Variants in SIPA1L2 observed in about 807,000 individuals in gnomAD.
The protein encoded by SIPA1L2 is signal-induced proliferation-associated 1-like protein 2.
A neutral mutation model predicts 163.9 loss-of-function variants in SIPA1L2; 56 were observed. The ratio of observed to expected loss-of-function variants is 0.34; its 90% CI spans 0.28 to 0.43. The LOEUF (loss-of-function observed/expected upper bound fraction) is 0.43. SIPA1L2 is among the 20% of genes least tolerant of loss of function. The pLI is 1.00. For missense variants in SIPA1L2, 1,974 were observed against 2,193.5 expected (o/e 0.90, Z 2.00); for synonymous variants, 877 against 865.7 (o/e 1.01, Z -0.23).
At chr1:232,547,257 T>C (rs868764125) in intron 2 of SIPA1L2, among the ~76,000 whole-genome samples, 24 of 152,282 alleles carry the variant, frequency 1.6e-4, no homozygotes, top group African/African-American at 4.6e-4. Context: ...CAGCATTTTT[T>C]ATGCAGAACA....
At chr1:232,549,519 G>A (rs1658254868) in intron 2 of SIPA1L2, among the ~76,000 whole-genome samples, 1 of 152,186 alleles carries the variant, frequency 6.6e-6, no homozygotes, top group Non-Finnish European at 1.5e-5. Flanking sequence ...CTCAAGAATT[G>A]TTAACATGTA....
chr1:232,510,230 A>AT (rs1666917707), intron 3 of SIPA1L2, among the ~76,000 whole-genome samples: 1 of 78,218 alleles, frequency 1.3e-5, no homozygotes, highest in Non-Finnish European at 3.8e-5. Flanking sequence ...TTCAATATGA[A>AT]AATATATATA....
chr1:232,545,370 C>T (rs573465166), intron 2 of SIPA1L2, among the ~76,000 whole-genome samples: 26 of 152,310 alleles, frequency 1.7e-4, no homozygotes, highest in Admixed American at 1.6e-3. Flanking sequence ...AAGCACTTGA[C>T]TCATGTATCT....
chr1:232,402,531 G>A, intron 21 of SIPA1L2, 58 bp from the exon 22 acceptor site: 12 of 1,501,836 alleles, frequency 8.0e-6, no homozygotes, highest in Non-Finnish European at 1.1e-5. Context: ...CATTTTTGTT[G>A]GTCAAGTTTT....
chr1:232,431,987 C>T (rs1188662111), intron 16 of SIPA1L2, among the ~76,000 whole-genome samples: 1 of 152,196 alleles, frequency 6.6e-6, no homozygotes, highest in Non-Finnish European at 1.5e-5. Context: ...CCATCAGCAG[C>T]ATGTTACCAT....
In SIPA1L2 at chr1:232,493,508, C is replaced by T. The variant is rs1005617643; in HGVS notation, c.1617+19G>A. Reference sequence around the variant, plus strand: ...GGTTTAGACTTTAGCCCAATAACTACGGCAAGCAGCCCCATTACCTCACTT... The same window carrying T: ...GGTTTAGACTTTAGCCCAATAACTATGGCAAGCAGCCCCATTACCTCACTT... On this transcript the variant is annotated intron_variant, in intron 4 of 22. Coordinates refer to ENST00000674635, the MANE Select transcript of SIPA1L2 (RefSeq NM_020808.5). The T allele has an allele frequency of 4.3e-6, 7 of 1,613,640 alleles. No individual in the cohort carries two copies. Among genetic ancestry groups the T allele is most frequent in the East Asian group, 4.5e-5 (2 of 44,866 alleles).
intron 1 of SIPA1L2, among the ~76,000 whole-genome samples, chr1:232,592,340 C>T (rs1367396940): frequency 6.6e-6 from 1 of 152,166 alleles, no homozygotes; most frequent in Non-Finnish European, 1.5e-5. Context: ...TCTTTCACTC[C>T]ATCTCCAGAG....
chr1:232,471,449 T>G lies in SIPA1L2; in HGVS notation c.2165A>C (p.Lys722Thr). The change falls in exon 8 of 23, where the codon AAA becomes ACA. Residue 722 changes from lysine (K) to threonine (T), a missense_variant. Physicochemically the swap from Lys to Thr is moderately conservative, Grantham distance 78. This residue lies in a region of SIPA1L2 where 288 missense variants were observed against 418.9 expected (regional missense o/e 0.69). Coordinates refer to ENST00000674635, the MANE Select transcript of SIPA1L2 (RefSeq NM_020808.5). Reference protein sequence around the residue: ...QEPGALPFTPKSIRSHFQHVF... With the variant: ...QEPGALPFTPTSIRSHFQHVF... Reference sequence around the variant, plus strand: ...ATGCTGAAAGTGAGACCGGATGCTTTTTGGAGTAAAAGGAAGTGCCCCAGG... The same window carrying G: ...ATGCTGAAAGTGAGACCGGATGCTTGTTGGAGTAAAAGGAAGTGCCCCAGG... 1 of 1,614,118 alleles carries G rather than the reference T, an allele frequency of 6.2e-7. No homozygotes were observed. The highest frequency in any genetic ancestry group is 1.1e-5 in the South Asian group (1 of 91,072).
chr1:232,566,502 C>T lies in SIPA1L2; in HGVS notation c.-270+7672G>A, dbSNP rs76926861. Among the ~76,000 whole-genome samples the T allele has an allele frequency of 1.9e-3, 287 of 152,306 alleles. 2 individuals are homozygous for T. The highest frequency in any genetic ancestry group is 6.1e-3 in the African/African-American group (254 of 41,564). On this transcript the variant is annotated intron_variant, in intron 2 of 22. Coordinates refer to ENST00000674635, the MANE Select transcript of SIPA1L2 (RefSeq NM_020808.5). ...TTCATGAACTAAGAGTGGTATTCGT[C>T]GCTTTTCACTAACGGAATATACAAA...
intron 11 of SIPA1L2, 107 bp from the exon 12 acceptor site, chr1:232,443,792 A>T: frequency 1.2e-6 from 1 of 835,716 alleles, no homozygotes; most frequent in Non-Finnish European, 1.8e-6. Context: ...ATGACAAAGA[A>T]AAGGAAGAAA....
intron 16 of SIPA1L2, among the ~76,000 whole-genome samples, chr1:232,428,936 G>A (rs1175022912): frequency 1.3e-5 from 2 of 152,132 alleles, no homozygotes; most frequent in Non-Finnish European, 1.5e-5. Flanking sequence ...ACGCTTGTGT[G>A]CTCTCGCGGC....
At chr1:232,544,388 A>G (rs789640) in intron 2 of SIPA1L2, among the ~76,000 whole-genome samples, 140,884 of 152,092 alleles carry the variant, frequency 0.93, 65,791 homozygotes, top group African/African-American at 0.99. Flanking sequence ...GGTGAAACCC[A>G]CCTCTACTAA....
Position 232,576,543 on chromosome 1 carries a change from G to A in SIPA1L2, c.-318-2321C>T, listed in dbSNP as rs143145510. 3.1e-3 allele frequency among the ~76,000 whole-genome samples: 473 copies of A among 152,184 alleles called. 2 individuals carry two copies. The highest frequency in any genetic ancestry group is 5.4e-3 in the Non-Finnish European group (368 of 68,020). On this transcript the variant is annotated intron_variant, in intron 1 of 22. Transcript: ENST00000674635. Reference sequence around the variant, plus strand: ...CTGAGACACAACAATATTGAACGTAGGCCAATTAATAACCATACAACAGCC... The same window carrying A: ...CTGAGACACAACAATATTGAACGTAAGCCAATTAATAACCATACAACAGCC...
chr1:232,404,230 G>T, intron 19 of SIPA1L2, 52 bp from the exon 20 acceptor site: 1 of 1,562,584 alleles, frequency 6.4e-7, no homozygotes, highest in South Asian at 1.1e-5. Flanking sequence ...CTCTATACTT[G>T]AGAATCTCGG....
At chr1:232,611,980 G>A (rs1261330024) in intron 1 of SIPA1L2, among the ~76,000 whole-genome samples, 6 of 152,176 alleles carry the variant, frequency 3.9e-5, no homozygotes, top group Non-Finnish European at 7.3e-5. Flanking sequence ...TTCCTGTGCC[G>A]TGTGCAGCTT....
At chr1:232,505,885 T>A (rs1278921487) in intron 3 of SIPA1L2, among the ~76,000 whole-genome samples, 1 of 152,238 alleles carries the variant, frequency 6.6e-6, no homozygotes, top group African/African-American at 2.4e-5. Context: ...TTCACCCGTA[T>A]GAATTTAATA....
At chr1:232,426,284 G>A (rs1052385474) in intron 17 of SIPA1L2, among the ~76,000 whole-genome samples, 2 of 152,068 alleles carry the variant, frequency 1.3e-5, no homozygotes, top group Non-Finnish European at 2.9e-5. Context: ...AAGACTAATT[G>A]TGAACATTGA....
chr1:232,412,952 T>G (rs542285294), intron 19 of SIPA1L2, among the ~76,000 whole-genome samples: 1 of 152,140 alleles, frequency 6.6e-6, no homozygotes, highest in African/African-American at 2.4e-5. Context: ...CTTTGGCAAA[T>G]AGAATATTAC....
rs1490019455 is a variant in SIPA1L2 at position 232,449,284 on chromosome 1, C to T, written c.3096-3498G>A. On this transcript the variant is annotated intron_variant, in intron 10 of 22. Coordinates refer to ENST00000674635, the MANE Select transcript of SIPA1L2 (RefSeq NM_020808.5). The stretch of plus-strand genomic sequence containing the variant: ...CTGTAATCCCAGCACTTTGGGGGGC[C>T]GAGGTGGGCGGATCACGAGGTCAGG... Among the ~76,000 whole-genome samples, 7 of 150,924 alleles carry T rather than the reference C, an allele frequency of 4.6e-5. No homozygotes were observed. In the East Asian group the frequency reaches 7.8e-4, roughly 17 times the overall value.
Sources: gnomAD v4.1 joint callset for allele counts (sites outside exome capture counted in the v4.1 genomes callset) on GRCh38, gnomAD v4.1.1 for gene constraint, gnomAD v4.1.1 regional missense constraint, MANE v1.5 for transcripts, NCBI Gene and HGNC (gene_info 2026-07-23, HGNC 2026-07-21) for gene names.